Variants in TDRD9 observed in about 807,000 individuals in gnomAD.
TDRD9 encodes ATP-dependent RNA helicase TDRD9.
Under a neutral mutation model 172.6 loss-of-function variants are expected in TDRD9, and 124 were observed. That is an observed-to-expected ratio of 0.72 (90% CI 0.62 to 0.83). The LOEUF is 0.83. Ranked by LOEUF, TDRD9 falls within the 40% of genes least tolerant of loss-of-function variation. The pLI is 0.00. For synonymous variants in TDRD9, 619 were observed against 617.1 expected (o/e 1.00, Z -0.05); for missense variants, 1,479 against 1,714.1 (o/e 0.86, Z 2.42).
intron 1 of TDRD9, among the ~76,000 whole-genome samples, chr14:103,950,258 T>C (rs2031803274): frequency 6.6e-6 from 1 of 151,614 alleles, no homozygotes; most frequent in Admixed American, 6.6e-5. Flanking sequence ...CCTGGCTAAT[T>C]TTGTTATTTT....
Position 104,052,264 on chromosome 14 carries a change from C to G in TDRD9, c.*182C>G. ...ATAGTCAGAGAGTGGTGTTTTTGTT[C>G]AGGTGGGAAGGATTGGAAACTCTAG... On this transcript the variant is annotated 3_prime_UTR_variant, in exon 36 of 36. Coordinates refer to ENST00000409874, the MANE Select transcript of TDRD9 (RefSeq NM_153046.3). 2.2e-6 allele frequency: 1 copy of G among 451,664 alleles called. No individual in the cohort carries two copies. Among genetic ancestry groups the G allele is most frequent in the Non-Finnish European group, 4.0e-6 (1 of 251,526 alleles). The allele number at this position is 451,664 out of a possible 1,614,324, so 28.0% of individuals were successfully genotyped here.
intron 1 of TDRD9, chr14:103,940,797 G>A: frequency 6.9e-7 from 1 of 1,439,970 alleles, no homozygotes; most frequent in Non-Finnish European, 9.3e-7. Flanking sequence ...CCCTCTAGTT[G>A]TAAGTAACTT....
chr14:104,007,324 C>T, intron 19 of TDRD9, 120 bp downstream of exon 19: 1 of 903,592 alleles, frequency 1.1e-6, no homozygotes, highest in Non-Finnish European at 1.7e-6. Flanking sequence ...GAGTCGAGGT[C>T]ACTGTCAGTG....
chr14:104,022,011 T>TA, intron 23 of TDRD9, 146 bp from the exon 24 acceptor site: 1 of 648,870 alleles, frequency 1.5e-6, no homozygotes. Flanking sequence ...GAGAAATTAA[T>TA]ACATGTTATT....
At chr14:103,958,200 G>A (rs10149898) in intron 2 of TDRD9, among the ~76,000 whole-genome samples, 3,361 of 152,266 alleles carry the variant, frequency 0.022, 142 homozygotes, top group Admixed American at 0.12. Context: ...CTCTATGGGG[G>A]TGTAAAACAA....
chr14:103,958,927 C>T (rs959655951), intron 2 of TDRD9, among the ~76,000 whole-genome samples: 4 of 152,092 alleles, frequency 2.6e-5, no homozygotes, highest in African/African-American at 9.7e-5. Context: ...TGGGCTGTAA[C>T]GAAGAGTTTT....
intron 3 of TDRD9, 85 bp downstream of exon 3, chr14:103,963,261 C>A: frequency 1.0e-6 from 1 of 992,780 alleles, no homozygotes; most frequent in Non-Finnish European, 1.5e-6. Flanking sequence ...TTGAAAGTTA[C>A]CAGTTGCCAG....
intron 23 of TDRD9, among the ~76,000 whole-genome samples, 188 bp from the exon 24 acceptor site, chr14:104,021,967 CTT>C (rs1249529388): frequency 6.6e-6 from 1 of 152,060 alleles, no homozygotes; most frequent in African/African-American, 2.4e-5. Flanking sequence ...GTCATTATAA[CTT>C]TTATTTCTCT....
intron 27 of TDRD9, among the ~76,000 whole-genome samples, chr14:104,026,411 CT>C (rs1220214465): frequency 6.6e-6 from 1 of 152,184 alleles, no homozygotes; most frequent in Non-Finnish European, 1.5e-5. Context: ...ACCAGACAGA[CT>C]TTTTAGGTAG....
intron 34 of TDRD9, 60 bp downstream of exon 34, chr14:104,042,247 A>T: frequency 8.6e-7 from 1 of 1,164,572 alleles, no homozygotes; most frequent in Non-Finnish European, 1.3e-6. Flanking sequence ...AGCTGCCTTG[A>T]TCATGGCTGT....
At chr14:103,987,123 T>TATACACAC (rs1167102708) in intron 8 of TDRD9, among the ~76,000 whole-genome samples, 94 of 145,798 alleles carry the variant, frequency 6.4e-4, no homozygotes, top group African/African-American at 2.3e-3. Flanking sequence ...AAAAAATATA[T>TATACACAC]ACACACACAC....
chr14:103,963,107 C>T lies in TDRD9; in HGVS notation c.351C>T (p.Ser117=). 2 of 1,548,292 alleles carry T rather than the reference C, an allele frequency of 1.3e-6. No individual in the cohort carries two copies. The highest frequency in any genetic ancestry group is 1.7e-6 in the Non-Finnish European group (2 of 1,145,606). Residue 117 remains serine (S), a synonymous_variant, in exon 3 of 36, where the codon AGC becomes AGT. Transcript: ENST00000409874. ...CAAGGCCATCTTTGGCTAAATTAAG[C>T]AGTGTGACATGCATCCCAGGGACAA... ...PGPRPSLAKL[S]SVTCIPGTTY... is the part of the protein sequence containing the mutation.
chr14:103,945,010 A>C (rs28592598), intron 1 of TDRD9, among the ~76,000 whole-genome samples: 65,686 of 152,062 alleles, frequency 0.43, 14,429 homozygotes, highest in Admixed American at 0.51. Context: ...GTGAACAAGA[A>C]AGACCTAGTT....
chr14:103,948,706 C>T (rs1327927496), intron 1 of TDRD9, among the ~76,000 whole-genome samples: 1 of 152,042 alleles, frequency 6.6e-6, no homozygotes. Flanking sequence ...AAGCCAGTCA[C>T]AAAAGGACAG....
intron 19 of TDRD9, 21 bp downstream of exon 19, chr14:104,007,225 T>A: frequency 6.2e-7 from 1 of 1,612,584 alleles, no homozygotes; most frequent in Non-Finnish European, 8.5e-7. Flanking sequence ...CCTTTCCTGC[T>A]GCTTTCTAGA....
intron 3 of TDRD9, among the ~76,000 whole-genome samples, chr14:103,964,537 G>A (rs544904350): frequency 1.3e-4 from 20 of 152,064 alleles, no homozygotes; most frequent in African/African-American, 4.8e-4. Flanking sequence ...TTTTTTGTTT[G>A]TTTGTTTTGA....
At chr14:104,039,218 C>G (rs1020510134) in intron 32 of TDRD9, among the ~76,000 whole-genome samples, 6 of 152,176 alleles carry the variant, frequency 3.9e-5, no homozygotes, top group African/African-American at 1.4e-4. Flanking sequence ...CTCACCATCA[C>G]GAGAACAGCA....
At chr14:104,025,967 C>T in intron 26 of TDRD9, 80 bp from the exon 27 acceptor site, 1 of 1,029,650 alleles carries the variant, frequency 9.7e-7, no homozygotes, top group Non-Finnish European at 1.5e-6. Context: ...AGGATTAGAG[C>T]AGACTGCTGC....
intron 1 of TDRD9, among the ~76,000 whole-genome samples, chr14:103,937,635 G>A (rs9324069): frequency 0.34 from 51,520 of 151,974 alleles, 8,923 homozygotes; most frequent in Middle Eastern, 0.38. Flanking sequence ...TCCCAAGGGG[G>A]GACCAGAATG....
Sources: allele counts gnomAD v4.1 joint callset (sites outside exome capture counted in the v4.1 genomes callset), GRCh38; gene constraint gnomAD v4.1.1; transcripts MANE v1.5; gene names NCBI Gene and HGNC (gene_info 2026-07-23, HGNC 2026-07-21).